The following ADARB2 variants were observed in gnomAD, a reference collection of about 807,000 sequenced individuals.
The protein encoded by ADARB2 is inactive double-stranded RNA-specific editase B2.
ADARB2 carries 25 observed loss-of-function variants against 62.2 expected under a neutral mutation model. That is an observed-to-expected ratio of 0.40 (90% CI 0.29 to 0.56). The LOEUF (loss-of-function observed/expected upper bound fraction) is 0.56. Among genes scored for constraint, ADARB2 ranks in the 20% least tolerant of loss-of-function variants. The probability of loss-of-function intolerance (pLI) is 0.43; values close to 1 mark genes in which losing one functional copy is unlikely to be tolerated. For synonymous variants in ADARB2, 572 were observed against 500.8 expected (o/e 1.14, Z -1.90); for missense variants, 1,071 against 1,077.4 (o/e 0.99, Z 0.08).
chr10:1,508,333 C>T (rs1189117468), intron 1 of ADARB2, among the ~76,000 whole-genome samples: 4 of 152,212 alleles, frequency 2.6e-5, no homozygotes, highest in African/African-American at 4.8e-5. Context: ...GTCTGGACCT[C>T]GGCTTGGCCA....
intron 4 of ADARB2, among the ~76,000 whole-genome samples, chr10:1,264,177 G>A (rs1363184375): frequency 6.6e-6 from 1 of 152,000 alleles, no homozygotes; most frequent in Non-Finnish European, 1.5e-5. Context: ...AAATACAGAT[G>A]ATAATTCACC....
At chr10:1,351,240 A>G (rs574793024) in intron 3 of ADARB2, among the ~76,000 whole-genome samples, 23 of 152,310 alleles carry the variant, frequency 1.5e-4, no homozygotes, top group Non-Finnish European at 3.1e-4. Flanking sequence ...CGATCACCTC[A>G]GAAGCCTCCT....
At chr10:1,249,901 G>T (rs551622442) in intron 4 of ADARB2, among the ~76,000 whole-genome samples, 1 of 151,656 alleles carries the variant, frequency 6.6e-6, no homozygotes, top group Non-Finnish European at 1.5e-5. Flanking sequence ...ATATACAGAA[G>T]TCAATAACTT....
At chr10:1,266,684 G>A (rs1190543640) in intron 4 of ADARB2, among the ~76,000 whole-genome samples, 1 of 152,136 alleles carries the variant, frequency 6.6e-6, no homozygotes, top group African/African-American at 2.4e-5. Context: ...TCACAAGTGT[G>A]TGTATTCAGA....
chr10:1,264,047 T>G (rs1831169822), intron 4 of ADARB2, among the ~76,000 whole-genome samples: 3 of 152,154 alleles, frequency 2.0e-5, no homozygotes, highest in South Asian at 4.2e-4. Flanking sequence ...TCAGCGCTCC[T>G]TATTGTACTC....
chr10:1,678,323 G>A (rs569037916), intron 1 of ADARB2: 1 of 985,232 alleles, frequency 1.0e-6, no homozygotes, highest in Non-Finnish European at 1.2e-6. Context: ...GCGTCTTCAG[G>A]GTGAACATCC....
At chr10:1,188,410 A>T (rs1192367426) in intron 8 of ADARB2, among the ~76,000 whole-genome samples, 1 of 152,242 alleles carries the variant, frequency 6.6e-6, no homozygotes, top group Non-Finnish European at 1.5e-5. Flanking sequence ...CCGACCAACA[A>T]GCAAAGGTCA....
intron 3 of ADARB2, among the ~76,000 whole-genome samples, chr10:1,344,239 G>A (rs1312856157): frequency 6.6e-6 from 1 of 152,216 alleles, no homozygotes; most frequent in South Asian, 2.1e-4. Flanking sequence ...ATCAGACCAA[G>A]CTACAAGGCA....
intron 1 of ADARB2, among the ~76,000 whole-genome samples, chr10:1,505,083 C>A (rs969307442): frequency 4.6e-5 from 7 of 151,094 alleles, no homozygotes; most frequent in Non-Finnish European, 2.9e-5. Context: ...CGGATGCACA[C>A]AGGACACACA....
intron 1 of ADARB2, among the ~76,000 whole-genome samples, chr10:1,580,080 G>T (rs935137161): frequency 3.3e-5 from 5 of 152,202 alleles, no homozygotes; most frequent in African/African-American, 9.6e-5. Context: ...CCCCCGAATT[G>T]TCTATGCTGT....
At chr10:1,397,787 C>T (rs1249744624) in intron 1 of ADARB2, among the ~76,000 whole-genome samples, 1 of 86,858 alleles carries the variant, frequency 1.2e-5, no homozygotes, top group Non-Finnish European at 2.4e-5. Flanking sequence ...TGGAGGCTTC[C>T]TGGGTCACCG....
intron 1 of ADARB2, among the ~76,000 whole-genome samples, chr10:1,727,374 C>T (rs932475880): frequency 5.3e-5 from 8 of 152,150 alleles, no homozygotes; most frequent in African/African-American, 1.9e-4. Flanking sequence ...ACCTCCAAAC[C>T]CTACTCCACG....
chr10:1,711,188 T>A (rs1211153632), intron 1 of ADARB2, among the ~76,000 whole-genome samples: 1 of 152,180 alleles, frequency 6.6e-6, no homozygotes, highest in Non-Finnish European at 1.5e-5. Context: ...CAGGTGTTAG[T>A]CCTTCCTGTT....
Position 1,642,785 on chromosome 10 carries a change from CCACTCA to C in ADARB2, c.100+94260_100+94265del, listed in dbSNP as rs1410329441. Among the ~76,000 whole-genome samples, 4 of 151,890 alleles carry C rather than the reference CCACTCA, an allele frequency of 2.6e-5. No homozygotes were observed. In the South Asian group the frequency reaches 6.2e-4, roughly 24 times the overall value. ...CACTCACACTCCCTCACTCACACAC[CCACTCA>C]CACTCAGTATTCAGACACACATCCA... On this transcript the variant is annotated intron_variant, in intron 1 of 9. Transcript: ENST00000381312.
In ADARB2 at chr10:1,410,308, C is replaced by G. The variant is rs368880038; in HGVS notation, c.101-31148G>C. ...ATTCTCAGTGGTGCTGAGGCCTGGC[C>G]GTGGTCATAGGGAAGGATTGTCAGT... On this transcript the variant is annotated intron_variant, in intron 1 of 9. Transcript: ENST00000381312. 7.2e-4 allele frequency among the ~76,000 whole-genome samples: 93 copies of G among 129,212 alleles called. 1 individual carries two copies. In the East Asian group the frequency reaches 0.017, roughly 23 times the overall value. The allele number at this position is 129,212 out of a possible 152,430, so 84.8% of individuals were successfully genotyped here. A position where few individuals can be genotyped will look rare whatever the true frequency, so the allele number is the denominator to read the frequency against.
chr10:1,183,395 A>C (rs1836707932), intron 9 of ADARB2, 26 bp from the exon 10 acceptor site: 1 of 1,597,790 alleles, frequency 6.3e-7, no homozygotes, highest in African/African-American at 1.3e-5. Context: ...AGAAAGAGCC[A>C]ATCAGACACC....
At chr10:1,409,411 C>A (rs1392026165) in intron 1 of ADARB2, among the ~76,000 whole-genome samples, 2 of 152,236 alleles carry the variant, frequency 1.3e-5, no homozygotes, top group East Asian at 3.9e-4. Context: ...GTGGCTTGGC[C>A]ATCGCTGTGG....
chr10:1,305,950 T>C (rs2131820122), intron 3 of ADARB2, among the ~76,000 whole-genome samples: 1 of 152,124 alleles, frequency 6.6e-6, no homozygotes, highest in East Asian at 1.9e-4. Flanking sequence ...AATATCCTAC[T>C]GAATGGGCAA....
intron 1 of ADARB2, among the ~76,000 whole-genome samples, chr10:1,636,361 A>G (rs1395414152): frequency 1.3e-5 from 2 of 152,174 alleles, no homozygotes; most frequent in African/African-American, 4.8e-5. Context: ...TATAAAAAAT[A>G]TAAAAATTAA....
Sources: gnomAD v4.1 joint callset for allele counts (sites outside exome capture counted in the v4.1 genomes callset) on GRCh38, gnomAD v4.1.1 for gene constraint, MANE v1.5 for transcripts, NCBI Gene and HGNC (gene_info 2026-07-23, HGNC 2026-07-21) for gene names.